CERS3: variants seen among roughly 807,000 people sequenced by gnomAD.
CERS3 encodes LAG1 homolog, ceramide synthase 3.
Under a neutral mutation model 50.3 loss-of-function variants are expected in CERS3, and 33 were observed. That is an observed-to-expected ratio of 0.66 (90% confidence interval 0.50 to 0.88). CERS3 has a LOEUF of 0.88. CERS3 is among the 40% of genes least tolerant of loss of function. The pLI is 0.00. For missense variants in CERS3, 470 were observed against 460.3 expected, an observed-to-expected ratio of 1.02 and a Z score of -0.19; for synonymous variants, 176 against 155.2, an observed-to-expected ratio of 1.13 and a Z score of -0.99.
intron 2 of CERS3, among the ~76,000 whole-genome samples, chr15:100,502,387 T>C (rs1432181504): frequency 6.6e-6 from 1 of 152,052 alleles, no homozygotes; most frequent in Non-Finnish European, 1.5e-5. Flanking sequence ...ACAATTTTGT[T>C]TATGGAAAAA....
chr15:100,417,859 C>T (rs867754097), intron 11 of CERS3, among the ~76,000 whole-genome samples: 89 of 152,012 alleles, frequency 5.9e-4, no homozygotes, highest in African/African-American at 2.0e-3. Context: ...AACAGACCTG[C>T]AGCTGAGGGT....
chr15:100,484,469 T>C, intron 5 of CERS3, 81 bp downstream of exon 5: 3 of 969,494 alleles, frequency 3.1e-6, no homozygotes, highest in Non-Finnish European at 5.0e-6. Flanking sequence ...CCTCTGCTGC[T>C]CCGGCAGTAT....
chr15:100,524,903 C>A (rs756304396), intron 1 of CERS3, among the ~76,000 whole-genome samples: 59 of 152,210 alleles, frequency 3.9e-4, no homozygotes, highest in Non-Finnish European at 7.1e-4. Context: ...AACAAATAGA[C>A]CTTATCCCAG....
chr15:100,525,446 A>G (rs2036758284), intron 1 of CERS3, among the ~76,000 whole-genome samples: 1 of 152,212 alleles, frequency 6.6e-6, no homozygotes, highest in Admixed American at 6.5e-5. Flanking sequence ...TGTTTCATGG[A>G]CATCCAAGCC....
chr15:100,542,504 A>G (rs1353373305), intron 1 of CERS3, among the ~76,000 whole-genome samples: 2 of 152,220 alleles, frequency 1.3e-5, no homozygotes, highest in Non-Finnish European at 2.9e-5. Flanking sequence ...GGAATGATCT[A>G]TTCTTAGTGT....
intron 4 of CERS3, 111 bp downstream of exon 4, chr15:100,490,706 C>T (rs1481483753): frequency 2.9e-6 from 2 of 682,860 alleles, no homozygotes; most frequent in Admixed American, 2.7e-5. Context: ...GAATCCAGAT[C>T]ATTTGCTGGT....
At chr15:100,488,436 A>T (rs2142291584) in intron 4 of CERS3, among the ~76,000 whole-genome samples, 1 of 152,280 alleles carries the variant, frequency 6.6e-6, no homozygotes, top group East Asian at 1.9e-4. Context: ...ACTGTTTTTC[A>T]TCCACCCAGC....
At chr15:100,530,335 C>T (rs550127296), upstream of CERS3, among the ~76,000 whole-genome samples, 1 of 152,338 alleles carries the variant, frequency 6.6e-6, no homozygotes, top group East Asian at 1.9e-4. Flanking sequence ...CAAGACCAGA[C>T]TCCTTGGCAC....
chr15:100,450,156 C>A (rs1298178670), intron 11 of CERS3, among the ~76,000 whole-genome samples: 1 of 152,062 alleles, frequency 6.6e-6, no homozygotes, highest in Non-Finnish European at 1.5e-5. Context: ...TGTGGTGGCT[C>A]ACTCCTGTAA....
intron 8 of CERS3, among the ~76,000 whole-genome samples, chr15:100,475,190 A>G (rs1057069473): frequency 6.6e-6 from 1 of 152,216 alleles, no homozygotes; most frequent in African/African-American, 2.4e-5. Flanking sequence ...ATTGAGTTAC[A>G]TGGAAATGGA....
intron 11 of CERS3, among the ~76,000 whole-genome samples, chr15:100,424,565 A>G (rs146253261): frequency 6.6e-6 from 1 of 152,336 alleles, no homozygotes; most frequent in Non-Finnish European, 1.5e-5. Flanking sequence ...TAGCAAAGAG[A>G]CTGACTGGCA....
At chr15:100,531,661 A>C (rs1270087696), upstream of CERS3, among the ~76,000 whole-genome samples, 1 of 152,206 alleles carries the variant, frequency 6.6e-6, no homozygotes, top group African/African-American at 2.4e-5. Context: ...CTAAGAGAAA[A>C]GATAGAACCC....
At chr15:100,467,316 T>C (rs11247206) in intron 10 of CERS3, among the ~76,000 whole-genome samples, 71,616 of 151,634 alleles carry the variant, frequency 0.47, 17,665 homozygotes, top group Non-Finnish European at 0.55. Flanking sequence ...TAATAATAAT[T>C]AATAAATGTT....
At chr15:100,418,180 T>C (rs1044615390) in intron 11 of CERS3, among the ~76,000 whole-genome samples, 2 of 151,914 alleles carry the variant, frequency 1.3e-5, no homozygotes, top group African/African-American at 4.8e-5. Context: ...TTGAAAACTT[T>C]GAAAAAAATT....
chr15:100,528,308 T>A (rs2036851995), intron 1 of CERS3, among the ~76,000 whole-genome samples: 1 of 152,174 alleles, frequency 6.6e-6, no homozygotes, highest in East Asian at 1.9e-4. Flanking sequence ...GGTGAGCAAG[T>A]CCCACCTTGT....
chr15:100,450,859 C>T (rs549032082), intron 11 of CERS3, among the ~76,000 whole-genome samples: 10 of 152,012 alleles, frequency 6.6e-5, no homozygotes, highest in Non-Finnish European at 1.2e-4. Flanking sequence ...ACAACAGAAA[C>T]CTTACAGGCC....
intron 1 of CERS3, among the ~76,000 whole-genome samples, chr15:100,523,211 A>G (rs760238676): frequency 2.0e-5 from 3 of 152,176 alleles, no homozygotes; most frequent in Non-Finnish European, 4.4e-5. Flanking sequence ...TGTTTTGGAT[A>G]GGACTCCTTG....
intron 4 of CERS3, among the ~76,000 whole-genome samples, chr15:100,486,665 T>C (rs1157400602): frequency 6.6e-6 from 1 of 152,200 alleles, no homozygotes; most frequent in Non-Finnish European, 1.5e-5. Flanking sequence ...CAGGACATAT[T>C]CTGGCATGCT....
chr15:100,478,979 A>G (rs759517135), intron 7 of CERS3, among the ~76,000 whole-genome samples: 4 of 152,164 alleles, frequency 2.6e-5, no homozygotes, highest in Non-Finnish European at 5.9e-5. Flanking sequence ...CAGTGAGTGG[A>G]AAGAGGTAAG....
Sources: gnomAD v4.1 joint callset for allele counts (sites outside exome capture counted in the v4.1 genomes callset) on GRCh38, gnomAD v4.1.1 for gene constraint, MANE v1.5 for transcripts, NCBI Gene and HGNC (gene_info 2026-07-23, HGNC 2026-07-21) for gene names.